LRRTM4: variants seen among roughly 807,000 people sequenced by gnomAD.
LRRTM4 encodes leucine rich repeat transmembrane neuronal 4.
A neutral mutation model predicts 47.6 loss-of-function variants in LRRTM4; 25 were observed. The ratio of observed to expected loss-of-function variants is 0.53; its 90% confidence interval spans 0.38 to 0.73. The LOEUF (loss-of-function observed/expected upper bound fraction) is 0.73, where lower values mean the gene tolerates loss of function less well. Among genes scored for constraint, LRRTM4 ranks in the 30% least tolerant of loss-of-function variants. The probability of loss-of-function intolerance (pLI) is 0.00; values close to 1 mark genes in which losing one functional copy is unlikely to be tolerated. For missense variants in LRRTM4, 638 were observed against 713.4 expected (o/e 0.89, Z 1.20); for synonymous variants, 311 against 269.5 (o/e 1.15, Z -1.51).
intron 3 of LRRTM4, among the ~76,000 whole-genome samples, chr2:77,398,862 T>C (rs994846235): frequency 6.6e-6 from 1 of 151,862 alleles, no homozygotes; most frequent in African/African-American, 2.4e-5. Flanking sequence ...TCCTTATCTA[T>C]GAGGAGCATT....
chr2:77,496,327 T>G lies in LRRTM4; in HGVS notation c.1551+21991A>C, dbSNP rs113061633. Among the ~76,000 whole-genome samples, 309 of 151,978 alleles carry G rather than the reference T, an allele frequency of 2.0e-3. 1 individual carries two copies. The highest frequency in any genetic ancestry group is 6.7e-3 in the African/African-American group (278 of 41,520). On this transcript the variant is annotated intron_variant, in intron 3 of 3. Transcript: ENST00000409884. ...TCTCTATGCCTTTTATTTCTTTTTC[T>G]TGAATTATTGCACTTGCTAGAACCA...
Position 77,092,089 on chromosome 2 carries a change from C to T in LRRTM4, c.1552-343173G>A, listed in dbSNP as rs545074772. Among the ~76,000 whole-genome samples the T allele has an allele frequency of 4.6e-5, 7 of 152,304 alleles. No homozygotes were observed. In the South Asian group the frequency reaches 6.2e-4, roughly 14 times the overall value. On this transcript the variant is annotated intron_variant, in intron 3 of 3. Transcript: ENST00000409884. ...AATCACAAACTGTGCTCAACTCACT[C>T]TCTACAGTTCTCATAACTTCCAAAA...
At chr2:77,464,130 T>C (rs976366825) in intron 3 of LRRTM4, among the ~76,000 whole-genome samples, 2 of 151,894 alleles carry the variant, frequency 1.3e-5, no homozygotes, top group African/African-American at 4.8e-5. Context: ...ACAAGGAAAA[T>C]GACCTGGATG....
At chr2:76,903,762 T>C (rs896734399) in intron 3 of LRRTM4, among the ~76,000 whole-genome samples, 9 of 152,174 alleles carry the variant, frequency 5.9e-5, no homozygotes, top group African/African-American at 1.4e-4. Context: ...ATGGCACTTT[T>C]ACTGGGTTAC....
rs1558667689 is a variant in LRRTM4 at position 76,807,472 on chromosome 2, A to ATATATATATATACATATATATATACG, written c.1552-58557_1552-58556insCGTATATATATATGTATATATATATA. On this transcript the variant is annotated intron_variant, in intron 3 of 3. Transcript: ENST00000409884. ...TATATATATATACATATATATATAC[A>ATATATATATATACATATATATATACG]TATATATATATATACATATATATAT... Among the ~76,000 whole-genome samples, 24 of 67,670 alleles carry ATATATATATATACATATATATATACG rather than the reference A, an allele frequency of 3.5e-4. 1 individual carries two copies. The highest frequency in any genetic ancestry group is 1.0e-3 in the Admixed American group (6 of 5,910). The allele number at this position is 67,670 out of a possible 152,430, so 44.4% of individuals were successfully genotyped here.
At chr2:77,099,013 T>G (rs780881931) in intron 3 of LRRTM4, among the ~76,000 whole-genome samples, 1 of 151,954 alleles carries the variant, frequency 6.6e-6, no homozygotes, top group Non-Finnish European at 1.5e-5. Context: ...TGGAAAATTA[T>G]ACATTTTGAT....
chr2:77,090,065 C>T lies in LRRTM4; in HGVS notation c.1552-341149G>A, dbSNP rs866947603. Among the ~76,000 whole-genome samples, 22 of 152,174 alleles carry T rather than the reference C, an allele frequency of 1.4e-4. 1 individual carries two copies. Among genetic ancestry groups the T allele is most frequent in the South Asian group, 6.2e-4 (3 of 4,818 alleles). On this transcript the variant is annotated intron_variant, in intron 3 of 3. Coordinates refer to ENST00000409884, the MANE Select transcript of LRRTM4 (RefSeq NM_001134745.3). Reference sequence around the variant, plus strand: ...CTCCCTTGCTCCCCAGGCTGCTCCTCGCCAGGCTGAGCTAGGTCCCAATTC... The same window carrying T: ...CTCCCTTGCTCCCCAGGCTGCTCCTTGCCAGGCTGAGCTAGGTCCCAATTC...
chr2:76,984,505 C>T (rs1389207423), intron 3 of LRRTM4, among the ~76,000 whole-genome samples: 1 of 151,902 alleles, frequency 6.6e-6, no homozygotes, highest in Non-Finnish European at 1.5e-5. Context: ...AACATTTGGC[C>T]TATGGGACTT....
chr2:77,285,351 T>TATATATATATATATATATATATATAG (rs1261152292), intron 3 of LRRTM4, among the ~76,000 whole-genome samples: 1 of 141,598 alleles, frequency 7.1e-6, no homozygotes, highest in Non-Finnish European at 1.5e-5. Context: ...TATATATATA[T>TATATATATATATATATATATATATAG]ATATATATAT....
chr2:77,215,090 G>C (rs950548189), intron 3 of LRRTM4, among the ~76,000 whole-genome samples: 1 of 152,076 alleles, frequency 6.6e-6, no homozygotes, highest in Admixed American at 6.5e-5. Flanking sequence ...TTTGATGGCT[G>C]TTACTTTGAT....
At chr2:76,949,030 A>G (rs1006636904) in intron 3 of LRRTM4, among the ~76,000 whole-genome samples, 2 of 151,918 alleles carry the variant, frequency 1.3e-5, no homozygotes, top group African/African-American at 4.8e-5. Flanking sequence ...CCTAGTGAAT[A>G]TTCCGTATTT....
intron 3 of LRRTM4, among the ~76,000 whole-genome samples, chr2:77,294,986 T>G (rs2104142320): frequency 6.6e-6 from 1 of 152,270 alleles, no homozygotes; most frequent in Non-Finnish European, 1.5e-5. Context: ...AAATCACATT[T>G]ATGTAACTAT....
intron 3 of LRRTM4, among the ~76,000 whole-genome samples, chr2:77,246,453 G>A (rs1675449517): frequency 6.6e-6 from 1 of 152,122 alleles, no homozygotes; most frequent in Admixed American, 6.5e-5. Flanking sequence ...ATTGGCACAT[G>A]TGAATATTAA....
At chr2:77,352,205 A>G (rs1230590561) in intron 3 of LRRTM4, among the ~76,000 whole-genome samples, 2 of 152,156 alleles carry the variant, frequency 1.3e-5, no homozygotes, top group African/African-American at 4.8e-5. Flanking sequence ...TTATTGAATA[A>G]GAGTTTAAAG....
At chr2:77,039,066 A>T (rs769377469) in intron 3 of LRRTM4, among the ~76,000 whole-genome samples, 1 of 151,468 alleles carries the variant, frequency 6.6e-6, no homozygotes, top group Non-Finnish European at 1.5e-5. Context: ...TTACAATATA[A>T]AAATGAGTGG....
intron 3 of LRRTM4, among the ~76,000 whole-genome samples, chr2:77,340,164 G>C (rs1050225060): frequency 6.6e-6 from 1 of 151,848 alleles, no homozygotes; most frequent in African/African-American, 2.4e-5. Context: ...ATATGCATCT[G>C]TTTGGTATCA....
chr2:77,142,430 TACAC>T (rs71381264), intron 3 of LRRTM4, among the ~76,000 whole-genome samples: 2,584 of 145,334 alleles, frequency 0.018, 48 homozygotes, highest in African/African-American at 0.051. Flanking sequence ...CACACACACA[TACAC>T]ACACACACAC....
chr2:77,452,667 CTT>C (rs199536521), intron 3 of LRRTM4, among the ~76,000 whole-genome samples: 1 of 151,978 alleles, frequency 6.6e-6, no homozygotes, highest in Non-Finnish European at 1.5e-5. Flanking sequence ...ATTCTTAATA[CTT>C]TTTTTTAACA....
intron 3 of LRRTM4, among the ~76,000 whole-genome samples, chr2:77,506,423 A>G (rs1678777454): frequency 6.6e-6 from 1 of 151,798 alleles, no homozygotes; most frequent in African/African-American, 2.4e-5. Context: ...TAATGTTATT[A>G]TTGTTGACTT....
Sources: gnomAD v4.1 joint callset for allele counts (sites outside exome capture counted in the v4.1 genomes callset) on GRCh38, gnomAD v4.1.1 for gene constraint, MANE v1.5 for transcripts, NCBI Gene and HGNC (gene_info 2026-07-23, HGNC 2026-07-21) for gene names.